The following MAML3 variants were observed in gnomAD, a reference collection of about 807,000 sequenced individuals.
MAML3 encodes the protein mastermind-like protein 3.
Under a neutral mutation model 101.9 loss-of-function variants are expected in MAML3, and 27 were observed. That is an observed-to-expected ratio of 0.27 (90% CI 0.20 to 0.37). The LOEUF is 0.37. Ranked by LOEUF, MAML3 falls within the 10% of genes least tolerant of loss-of-function variation. MAML3 has a pLI of 1.00. For missense variants in MAML3, 1,316 were observed against 1,444.9 expected (o/e 0.91, Z 1.45); for synonymous variants, 501 against 555.9 (o/e 0.90, Z 1.39).
chr4:139,918,902 T>C (rs1014069786), intron 1 of MAML3, among the ~76,000 whole-genome samples: 1 of 152,142 alleles, frequency 6.6e-6, no homozygotes, highest in Non-Finnish European at 1.5e-5. Flanking sequence ...ACCTCAGGCC[T>C]GCAAGAGAAA....
At chr4:139,931,608 C>G (rs1733395771) in intron 1 of MAML3, among the ~76,000 whole-genome samples, 1 of 152,174 alleles carries the variant, frequency 6.6e-6, no homozygotes, top group Non-Finnish European at 1.5e-5. Context: ...TCATCAGAAG[C>G]CTTTGTCTTC....
At chr4:139,870,299 C>T (rs1351721644) in intron 2 of MAML3, among the ~76,000 whole-genome samples, 1 of 152,154 alleles carries the variant, frequency 6.6e-6, no homozygotes, top group Non-Finnish European at 1.5e-5. Context: ...TTCCCCTCAC[C>T]CCACCCTACC....
intron 1 of MAML3, among the ~76,000 whole-genome samples, chr4:140,096,707 G>A (rs1728169069): frequency 6.6e-6 from 1 of 152,066 alleles, no homozygotes; most frequent in Non-Finnish European, 1.5e-5. Context: ...GTAGTCTTGG[G>A]ATGGCTCATG....
Position 140,141,555 on chromosome 4 carries a change from G to T in MAML3, c.468+11305C>A, listed in dbSNP as rs113178561. On this transcript the variant is annotated intron_variant, in intron 1 of 4. Transcript: ENST00000509479. ...TCAAGCCTGTGAAACACAAAGCTCA[G>T]GAAAGGTAAAAAGAACCACAAAATT... 7.0e-4 allele frequency among the ~76,000 whole-genome samples: 107 copies of T among 152,260 alleles called. 1 individual carries two copies. The highest frequency in any genetic ancestry group is 2.5e-3 in the African/African-American group (103 of 41,534).
At chr4:139,757,339 C>A (rs939721300) in intron 2 of MAML3, among the ~76,000 whole-genome samples, 7 of 152,118 alleles carry the variant, frequency 4.6e-5, no homozygotes, top group African/African-American at 1.4e-4. Context: ...CTCACACTCA[C>A]ACTCCAGCAG....
chr4:140,090,779 G>A (rs146679956), intron 1 of MAML3, among the ~76,000 whole-genome samples: 65 of 152,310 alleles, frequency 4.3e-4, no homozygotes, highest in African/African-American at 1.4e-3. Flanking sequence ...GGCCAGGCAT[G>A]GTGGCTCAGG....
chr4:139,789,637 A>G (rs1730367161), intron 2 of MAML3, among the ~76,000 whole-genome samples: 1 of 152,132 alleles, frequency 6.6e-6, no homozygotes, highest in Admixed American at 6.5e-5. Flanking sequence ...TTAGTCTGTA[A>G]GTACTGAGGA....
intron 2 of MAML3, chr4:139,731,267 C>T (rs1296623888): frequency 2.5e-5 from 4 of 156,876 alleles, no homozygotes; most frequent in African/African-American, 7.2e-5. Context: ...ATGTTTTACA[C>T]CGATCAAAGC....
intron 1 of MAML3, among the ~76,000 whole-genome samples, chr4:139,958,401 A>G (rs1351648769): frequency 1.3e-5 from 2 of 152,212 alleles, no homozygotes; most frequent in African/African-American, 4.8e-5. Flanking sequence ...CTACATGAAT[A>G]TGGCAGAGTT....
At chr4:140,059,813 G>A (rs558263618) in intron 1 of MAML3, among the ~76,000 whole-genome samples, 1 of 152,148 alleles carries the variant, frequency 6.6e-6, no homozygotes, top group South Asian at 2.1e-4. Flanking sequence ...AATTGTCAGG[G>A]TTTCTATAGC....
chr4:139,864,694 A>AAAAAAG (rs1731858424), intron 2 of MAML3, among the ~76,000 whole-genome samples: 2 of 150,044 alleles, frequency 1.3e-5, no homozygotes, highest in African/African-American at 2.4e-5. Context: ...AAAAAAAAAA[A>AAAAAAG]AAAAAGAAAA....
intron 1 of MAML3, among the ~76,000 whole-genome samples, chr4:139,945,133 T>A (rs1733699929): frequency 6.6e-6 from 1 of 152,236 alleles, no homozygotes; most frequent in Non-Finnish European, 1.5e-5. Context: ...GAAGTTCTGA[T>A]ATAAGGTCTG....
At chr4:139,961,518 C>T (rs1351065128) in intron 1 of MAML3, among the ~76,000 whole-genome samples, 1 of 152,126 alleles carries the variant, frequency 6.6e-6, no homozygotes, top group African/African-American at 2.4e-5. Flanking sequence ...CTGTTGTGGG[C>T]CCCCCTTTTT....
At chr4:139,944,942 T>C (rs1462418633) in intron 1 of MAML3, among the ~76,000 whole-genome samples, 1 of 150,806 alleles carries the variant, frequency 6.6e-6, no homozygotes, top group East Asian at 1.9e-4. Flanking sequence ...AGCCATCCCA[T>C]TACTGGGTAT....
chr4:140,085,358 T>C (rs570094091), intron 1 of MAML3, among the ~76,000 whole-genome samples: 1 of 152,124 alleles, frequency 6.6e-6, no homozygotes, highest in Admixed American at 6.5e-5. Flanking sequence ...TGGATCTGTT[T>C]CCCAGGGGAC....
intron 1 of MAML3, among the ~76,000 whole-genome samples, chr4:139,997,271 C>T (rs191846472): frequency 6.6e-6 from 1 of 151,438 alleles, no homozygotes; most frequent in African/African-American, 2.4e-5. Context: ...GTGTTAAATA[C>T]ATATTTTCTG....
At chr4:139,985,623 A>C (rs34984624) in intron 1 of MAML3, among the ~76,000 whole-genome samples, 43,130 of 152,144 alleles carry the variant, frequency 0.28, 7,336 homozygotes, top group East Asian at 0.62. Context: ...CCAAATAAGG[A>C]ATGCATAGAT....
intron 1 of MAML3, among the ~76,000 whole-genome samples, chr4:139,990,817 TA>T (rs990423981): frequency 1.2e-4 from 19 of 152,052 alleles, no homozygotes; most frequent in Middle Eastern, 3.4e-3. Context: ...TCAAAGAGAA[TA>T]AAATACCTAG....
intron 2 of MAML3, among the ~76,000 whole-genome samples, chr4:139,734,942 C>G (rs1728874432): frequency 2.6e-5 from 4 of 152,250 alleles, no homozygotes; most frequent in Admixed American, 2.6e-4. Flanking sequence ...GCCGGGGCAA[C>G]GCAGAGCAGC....
Sources: gnomAD v4.1 joint callset for allele counts (sites outside exome capture counted in the v4.1 genomes callset) on GRCh38, gnomAD v4.1.1 for gene constraint, MANE v1.5 for transcripts, NCBI Gene and HGNC (gene_info 2026-07-23, HGNC 2026-07-21) for gene names.